Variants in SOX5 observed in about 807,000 individuals in gnomAD.
SOX5 encodes the protein SRY-box transcription factor 5.
Under a neutral mutation model 92.0 loss-of-function variants are expected in SOX5, and 9 were observed. The observed-to-expected ratio is 0.10, with a 90% CI of 0.06 to 0.17. The LOEUF is 0.17. Ranked by LOEUF, SOX5 falls within the 10% of genes least tolerant of loss-of-function variation. The pLI is 1.00. For synonymous variants in SOX5, 344 were observed against 336.3 expected (o/e 1.02, Z -0.25); for missense variants, 642 against 944.5 (o/e 0.68, Z 4.20).
intron 3 of SOX5, among the ~76,000 whole-genome samples, chr12:23,802,370 G>A (rs1442715589): frequency 6.6e-6 from 1 of 152,108 alleles, no homozygotes; most frequent in Non-Finnish European, 1.5e-5. Context: ...GTCAGCCACT[G>A]CGCCCGGCCT....
At chr12:23,679,518 C>T (rs1482027657) in intron 6 of SOX5, among the ~76,000 whole-genome samples, 1 of 152,092 alleles carries the variant, frequency 6.6e-6, no homozygotes, top group Non-Finnish European at 1.5e-5. Context: ...TTCATGAAGG[C>T]TACCTTCCAT....
chr12:24,256,552 T>C (rs1387111307), intron 3 of SOX5, among the ~76,000 whole-genome samples: 1 of 151,802 alleles, frequency 6.6e-6, no homozygotes, highest in Non-Finnish European at 1.5e-5. Flanking sequence ...AAGCTAACTG[T>C]AGCTCTTTTC....
intron 3 of SOX5, among the ~76,000 whole-genome samples, chr12:23,771,843 AAC>A (rs1274939441): frequency 2.6e-5 from 4 of 152,214 alleles, no homozygotes; most frequent in South Asian, 2.1e-4. Flanking sequence ...GCCAAATGTC[AAC>A]AGTTTCAAAA....
chr12:24,175,520 C>G (rs1954709483), intron 4 of SOX5, among the ~76,000 whole-genome samples: 1 of 152,226 alleles, frequency 6.6e-6, no homozygotes, highest in Non-Finnish European at 1.5e-5. Context: ...CAAATACACA[C>G]AGACACACCC....
intron 2 of SOX5, among the ~76,000 whole-genome samples, chr12:24,305,081 A>G (rs1451885973): frequency 6.6e-6 from 1 of 152,150 alleles, no homozygotes; most frequent in East Asian, 1.9e-4. Flanking sequence ...CTGATGTTAG[A>G]TTTTTCCACC....
intron 4 of SOX5, among the ~76,000 whole-genome samples, chr12:23,748,389 G>A (rs575667946): frequency 1.3e-5 from 2 of 152,046 alleles, no homozygotes; most frequent in South Asian, 4.2e-4. Flanking sequence ...CCTCATCAGG[G>A]TTGAATTAAA....
chr12:24,393,508 G>C lies in SOX5; in HGVS notation c.-250-24869C>G, dbSNP rs1959182232. ...TCTACCACCCACCCCAAAATAAGTA[G>C]GTATCTGAATAATGAGATCTGTAAA... is the stretch of plus-strand genomic sequence containing the variant. On this transcript the variant is annotated intron_variant, in intron 1 of 4. Coordinates refer to the SOX5 transcript ENST00000446891. This position sits in a 1 kb window ranked among gnomAD's most constrained non-coding sequence, Gnocchi z 5.0. Among the ~76,000 whole-genome samples, 1 of 152,176 alleles carries C rather than the reference G, an allele frequency of 6.6e-6. No individual in the cohort carries two copies. The highest frequency in any genetic ancestry group is 2.1e-4 in the South Asian group (1 of 4,812).
chr12:23,876,636 A>G lies in SOX5; in HGVS notation c.270+19157T>C, dbSNP rs374458673. ...ATTTGATCCAGCAATCCCAATACCC[A>G]TTACTGGGTATATACCCAAAGGATT... On this transcript the variant is annotated intron_variant, in intron 2 of 14. Coordinates refer to ENST00000451604, the MANE Select transcript of SOX5 (RefSeq NM_006940.6). 5.3e-5 allele frequency among the ~76,000 whole-genome samples: 8 copies of G among 152,318 alleles called. No individual in the cohort carries two copies. In the East Asian group the frequency reaches 1.2e-3, roughly 22 times the overall value.
chr12:23,995,541 T>C (rs1056492424), intron 4 of SOX5, among the ~76,000 whole-genome samples: 2 of 152,036 alleles, frequency 1.3e-5, no homozygotes, highest in African/African-American at 2.4e-5. Flanking sequence ...ACAAAAAAAC[T>C]TTTAAAAATC....
In SOX5 at chr12:23,570,926, AAAAAATATATATATATATATAT is replaced by A. The variant is rs1429012846; in HGVS notation, c.1342+4713_1342+4734del. On this transcript the variant is annotated intron_variant, in intron 10 of 14. Transcript: ENST00000451604. ...ACTCCAACTCAAAAAAAAAAAAAAAAAAAAATATATATATATATATATATATATATATATATATATATATATA... is the reference window on the plus strand; with the variant it reads ...ACTCCAACTCAAAAAAAAAAAAAAAAATATATATATATATATATATATATA... Among the ~76,000 whole-genome samples, 84 of 41,544 alleles carry A rather than the reference AAAAAATATATATATATATATAT, an allele frequency of 2.0e-3. 10 individuals carry two copies. Among genetic ancestry groups the A allele is most frequent in the Non-Finnish European group, 2.9e-3 (72 of 25,206 alleles). 27.3% of individuals were successfully genotyped at this position (41,544 alleles called of 152,430 possible).
intron 3 of SOX5, among the ~76,000 whole-genome samples, chr12:23,769,319 G>A (rs1434945731): frequency 6.6e-6 from 1 of 150,460 alleles, no homozygotes; most frequent in Non-Finnish European, 1.5e-5. Context: ...GACATATAAA[G>A]TACTTAAAAA....
At chr12:24,065,645 C>CAAAAAAAAAAAAAAAAAAAAAAAAA (rs71445983) in intron 4 of SOX5, among the ~76,000 whole-genome samples, 6 of 81,660 alleles carry the variant, frequency 7.3e-5, no homozygotes, top group East Asian at 3.7e-4. Context: ...GACTCCATCT[C>CAAAAAAAAAAAAAAAAAAAAAAAAA]AAAAAAAAAA....
intron 4 of SOX5, among the ~76,000 whole-genome samples, chr12:23,753,947 T>C (rs2094275667): frequency 2.0e-5 from 3 of 151,758 alleles, no homozygotes; most frequent in African/African-American, 7.3e-5. Flanking sequence ...AACCATGCCC[T>C]GAACAGAAGA....
At chr12:23,574,660 T>A (rs1302461157) in intron 10 of SOX5, among the ~76,000 whole-genome samples, 1 of 152,222 alleles carries the variant, frequency 6.6e-6, no homozygotes, top group Non-Finnish European at 1.5e-5. Context: ...TGCCATCTGA[T>A]CCTTTCAGTT....
chr12:23,584,890 C>T (rs11046994), intron 9 of SOX5, among the ~76,000 whole-genome samples: 65,718 of 151,708 alleles, frequency 0.43, 14,950 homozygotes, highest in South Asian at 0.53. Flanking sequence ...TTTTCTTGAA[C>T]ATCTCGTGGC....
chr12:24,397,227 A>G (rs1199258696), intron 1 of SOX5, among the ~76,000 whole-genome samples: 1 of 151,616 alleles, frequency 6.6e-6, no homozygotes, highest in Non-Finnish European at 1.5e-5. Flanking sequence ...CTTTTTTGAC[A>G]AGTCAAACCA....
In SOX5 at chr12:24,478,612, T is replaced by C. The variant is rs184395913; in HGVS notation, c.-251+83717A>G. On this transcript the variant is annotated intron_variant, in intron 1 of 4. Transcript: ENST00000446891. ...TCATGTCCTTCCTATGCTCCGTTTC[T>C]GTTATGGTGCTACAGTAGCATCCTT... Among the ~76,000 whole-genome samples the C allele has an allele frequency of 7.2e-5, 11 of 152,364 alleles. No individual in the cohort carries two copies. In the East Asian group the frequency reaches 1.5e-3, roughly 21 times the overall value.
intron 6 of SOX5, among the ~76,000 whole-genome samples, chr12:23,691,320 T>C (rs1438878115): frequency 6.6e-6 from 1 of 152,222 alleles, no homozygotes; most frequent in African/African-American, 2.4e-5. Context: ...GCCTTTAAAT[T>C]GATATGCAGA....
chr12:23,589,999 TGTG>T (rs912214500), intron 9 of SOX5, among the ~76,000 whole-genome samples: 5 of 152,086 alleles, frequency 3.3e-5, no homozygotes, highest in Admixed American at 3.3e-4. Flanking sequence ...AGTATGTGTT[TGTG>T]CAGTGGGGTG....
Sources: gnomAD v4.1 joint callset for allele counts (sites outside exome capture counted in the v4.1 genomes callset) on GRCh38, gnomAD v4.1.1 for gene constraint, Gnocchi (gnomAD v3.1) non-coding constraint, MANE v1.5 for transcripts, NCBI Gene and HGNC (gene_info 2026-07-23, HGNC 2026-07-21) for gene names.